MYO9A: variants seen among roughly 807,000 people sequenced by gnomAD.
MYO9A encodes myosin IXA.
Under a neutral mutation model 293.3 loss-of-function variants are expected in MYO9A, and 103 were observed. The observed-to-expected ratio is 0.35, with a 90% CI of 0.30 to 0.41. The LOEUF is 0.41. Among genes scored for constraint, MYO9A ranks in the 10% least tolerant of loss-of-function variants. MYO9A has a pLI of 1.00. For missense variants in MYO9A, 2,685 were observed against 3,033.0 expected, an observed-to-expected ratio of 0.89 and a Z score of 2.69; for synonymous variants, 1,001 against 1,035.7, an observed-to-expected ratio of 0.97 and a Z score of 0.64.
intron 18 of MYO9A, among the ~76,000 whole-genome samples, chr15:71,928,222 C>T (rs112164023): frequency 2.6e-4 from 38 of 146,130 alleles, no homozygotes; most frequent in African/African-American, 8.7e-4. Context: ...GGACTACAGG[C>T]GCCCGCCACT....
intron 1 of MYO9A, among the ~76,000 whole-genome samples, chr15:72,111,370 TC>T (rs2080773352): frequency 6.7e-6 from 1 of 149,694 alleles, no homozygotes; most frequent in Non-Finnish European, 1.5e-5. Context: ...GCACCTGTAG[TC>T]CCAGCTACTC....
intron 4 of MYO9A, among the ~76,000 whole-genome samples, chr15:72,023,695 C>CAAAA (rs368209775): frequency 5.8e-5 from 3 of 51,306 alleles, no homozygotes; most frequent in East Asian, 5.8e-4. Context: ...AACTCTGTCT[C>CAAAA]AAAAAAAAAA....
intron 8 of MYO9A, among the ~76,000 whole-genome samples, chr15:72,006,828 T>C (rs376915705): frequency 3.9e-5 from 6 of 152,340 alleles, no homozygotes; most frequent in East Asian, 1.9e-4. Context: ...GAGTGAAGTC[T>C]GCAGGATTAA....
intron 4 of MYO9A, among the ~76,000 whole-genome samples, chr15:72,026,295 AAGAAAG>A (rs1419258621): frequency 8.5e-6 from 1 of 118,198 alleles, no homozygotes; most frequent in African/African-American, 3.2e-5. Flanking sequence ...AAAAAAAAAA[AAGAAAG>A]AAAAGAAATC....
intron 34 of MYO9A, among the ~76,000 whole-genome samples, chr15:71,859,522 A>T (rs1300179380): frequency 6.6e-6 from 1 of 152,218 alleles, no homozygotes; most frequent in Admixed American, 6.5e-5. Context: ...GTAACGGTAA[A>T]ATAATTCTAT....
intron 1 of MYO9A, among the ~76,000 whole-genome samples, chr15:72,087,192 C>G (rs1235570130): frequency 6.6e-6 from 1 of 152,178 alleles, no homozygotes; most frequent in African/African-American, 2.4e-5. Flanking sequence ...AGGCTGGGTC[C>G]CCAGAAGAGG....
At chr15:71,938,665 C>T (rs1053985412) in intron 16 of MYO9A, 187 bp downstream of exon 16, 1 of 423,280 alleles carries the variant, frequency 2.4e-6, no homozygotes, top group Non-Finnish European at 4.1e-6. Flanking sequence ...TTACCAGAAG[C>T]AACTGTAGAC....
At position 71,950,670 on chromosome 15, in the gene MYO9A, A is replaced by G. The variant is rs894218740; in HGVS notation, c.2302+1107T>C. Among the ~76,000 whole-genome samples the G allele has an allele frequency of 5.9e-5, 9 of 152,234 alleles. No individual in the cohort carries two copies. The South Asian group carries it at 1.9e-3, about 31-fold the overall frequency. The stretch of plus-strand genomic sequence containing the variant: ...GAAAATACTTTAAATACTGTTTTTC[A>G]AAACACATTACACACTTTTGTTTTA... On this transcript the variant is annotated intron_variant, in intron 15 of 41. Transcript: ENST00000356056.
chr15:71,937,036 G>A lies in MYO9A; in HGVS notation c.2379-1552C>T, dbSNP rs79736103. ...AGGAAAGCAGGAAGGAAGGAAAAAC[G>A]AAGGGAGGGAGGGAGGGAGAGGGAG... On this transcript the variant is annotated intron_variant, in intron 16 of 41. Coordinates refer to ENST00000356056, the MANE Select transcript of MYO9A (RefSeq NM_006901.4). Among the ~76,000 whole-genome samples, 937 of 144,462 alleles carry A rather than the reference G, an allele frequency of 6.5e-3. 7 individuals carry two copies. The highest frequency in any genetic ancestry group is 0.011 in the Non-Finnish European group (714 of 65,634). The allele number at this position is 144,462 out of a possible 152,430, so 94.8% of individuals were successfully genotyped here. A position where few individuals can be genotyped will look rare whatever the true frequency, so the allele number is the denominator to read the frequency against.
At chr15:72,023,343 A>G (rs1015992711) in intron 4 of MYO9A, among the ~76,000 whole-genome samples, 30 of 152,180 alleles carry the variant, frequency 2.0e-4, no homozygotes, top group African/African-American at 7.0e-4. Flanking sequence ...CTCCTATGGC[A>G]GGCACGGTGG....
At chr15:71,959,346 T>C (rs1382504185) in intron 14 of MYO9A, 1 of 152,352 alleles carries the variant, frequency 6.6e-6, no homozygotes, top group African/African-American at 2.4e-5. Context: ...GTAAATCACT[T>C]TGGGAGTCCT....
chr15:71,852,200 T>A lies in MYO9A; in HGVS notation c.6407A>T (p.Gln2136Leu). ...AGGATTGGGCAAATCTCGAAGCCATTGTTTGAATACACTTGCAATGACGTG... is the reference window on the plus strand; with the variant it reads ...AGGATTGGGCAAATCTCGAAGCCATAGTTTGAATACACTTGCAATGACGTG... ...NIHVIASVFK[Q>L]WLRDLPNPLM... The change falls in exon 36 of 42, where the codon CAA becomes CTA. Residue 2136 changes from glutamine to leucine, a missense_variant. This residue lies in a region of MYO9A where 238 missense variants were observed against 269.1 expected (regional missense o/e 0.88). Coordinates refer to ENST00000356056, the MANE Select transcript of MYO9A (RefSeq NM_006901.4). The A allele has an allele frequency of 1.2e-6, 2 of 1,613,628 alleles. No homozygotes were observed. Among genetic ancestry groups the A allele is most frequent in the Non-Finnish European group, 1.7e-6 (2 of 1,179,604 alleles).
In MYO9A at chr15:72,045,859, G is replaced by A. The variant is rs778407270; in HGVS notation, c.705C>T (p.Ile235=). ...CAGAACCACTCTCTCCTGAAATCACGATGCACTGATTCTTTTTGCGCTGAA... is the reference window on the plus strand; with the variant it reads ...CAGAACCACTCTCTCCTGAAATCACAATGCACTGATTCTTTTTGCGCTGAA... ...AMLQRKKNQC[I]VISGESGSGK... is the part of the protein sequence containing the mutation. The change falls in exon 2 of 42, where the codon ATC becomes ATT. Residue 235 remains isoleucine (I), a synonymous_variant. Coordinates refer to ENST00000356056, the MANE Select transcript of MYO9A (RefSeq NM_006901.4). 5.6e-6 allele frequency: 9 copies of A among 1,613,964 alleles called. No homozygotes were observed. Among genetic ancestry groups the A allele is most frequent in the East Asian group, 4.5e-5 (2 of 44,882 alleles).
Position 71,901,274 on chromosome 15 carries a change from T to C in MYO9A, c.3067A>G (p.Ile1023Val), listed in dbSNP as rs1404784286. ...DLLHQEVLRR[I>V]ILLQRWFRVL... ...CTGAACCATCGCTGCAACAATATGA[T>C]TCTGCGGAGCACCTCTTGGTGAAGC... is the stretch of plus-strand genomic sequence containing the variant. The change falls in exon 23 of 42, where the codon ATC becomes GTC. Residue 1023 changes from isoleucine to valine, a missense_variant. By Grantham distance (29) the Ile-to-Val change is conservative. Coordinates refer to ENST00000356056, the MANE Select transcript of MYO9A (RefSeq NM_006901.4). 1.2e-6 allele frequency: 2 copies of C among 1,614,086 alleles called. No individual in the cohort carries two copies. The highest frequency in any genetic ancestry group is 2.2e-5 in the South Asian group (2 of 91,072).
chr15:71,868,298 C>T (rs927284830), intron 32 of MYO9A, among the ~76,000 whole-genome samples: 5 of 152,292 alleles, frequency 3.3e-5, no homozygotes, highest in African/African-American at 1.2e-4. Context: ...CCTCCTTTCT[C>T]CATCTTCAGA....
At chr15:72,052,361 T>A (rs1340655979) in intron 1 of MYO9A, among the ~76,000 whole-genome samples, 1 of 152,150 alleles carries the variant, frequency 6.6e-6, no homozygotes, top group Non-Finnish European at 1.5e-5. Context: ...TCTGAGCTAT[T>A]CTATCACTCG....
intron 41 of MYO9A, 100 bp from the exon 42 acceptor site, chr15:71,827,143 G>C (rs1158891533): frequency 2.3e-5 from 22 of 937,484 alleles, no homozygotes; most frequent in Non-Finnish European, 2.8e-5. Context: ...AAATTGGGTG[G>C]GATAAGATTC....
At chr15:71,833,180 C>T (rs183365441) in intron 39 of MYO9A, among the ~76,000 whole-genome samples, 108 of 151,424 alleles carry the variant, frequency 7.1e-4, no homozygotes, top group African/African-American at 2.5e-3. Context: ...AGATGAAATG[C>T]TCCTATTAAA....
intron 40 of MYO9A, 86 bp from the exon 41 acceptor site, chr15:71,828,112 G>C: frequency 6.9e-7 from 1 of 1,455,944 alleles, no homozygotes; most frequent in South Asian, 1.4e-5. Context: ...TGGAAGTCAG[G>C]AATCTAAGAA....
Sources: allele counts gnomAD v4.1 joint callset (sites outside exome capture counted in the v4.1 genomes callset), GRCh38; gene constraint gnomAD v4.1.1; regional missense constraint gnomAD v4.1.1; transcripts MANE v1.5; gene names NCBI Gene and HGNC (gene_info 2026-07-23, HGNC 2026-07-21).